SLC25A29: variants seen among roughly 807,000 people sequenced by gnomAD.
The protein encoded by SLC25A29 is mitochondrial basic amino acids transporter.
SLC25A29 carries 13 observed loss-of-function variants against 10.0 expected under a neutral mutation model. The ratio of observed to expected loss-of-function variants is 1.30; its 90% CI spans 0.85 to 2.07. The LOEUF (loss-of-function observed/expected upper bound fraction) is 2.07, where lower values mean the gene tolerates loss of function less well. Ranked by LOEUF, SLC25A29 falls within the 30% of genes most tolerant of loss-of-function variation. SLC25A29 has a pLI of 0.00. For synonymous variants in SLC25A29, 244 were observed against 221.1 expected (o/e 1.10, Z -0.92); for missense variants, 475 against 447.6 (o/e 1.06, Z -0.55).
chr14:100,286,792 C>T (rs777929640), downstream of SLC25A29, among the ~76,000 whole-genome samples: 1 of 152,228 alleles, frequency 6.6e-6, no homozygotes, highest in Non-Finnish European at 1.5e-5. Context: ...GGACCTGGAC[C>T]CTTGCCCTGG....
rs1213354503 is a variant in SLC25A29, at chr14:100,292,530, A to G, written c.665T>C (p.Leu222Pro). Residue 222 changes from leucine to proline, a missense_variant, in exon 4 of 4, where the codon CTG (leucine) becomes CCG (proline). Transcript: ENST00000359232. Reference protein sequence around the residue: ...VVKSRLQADGLRGAPRYRGIL... With the variant: ...VVKSRLQADGPRGAPRYRGIL... ...GCCGCGGTAGCGCGGGGCGCCCCGC[A>G]GTCCGTCCGCCTGCAGCCGCGACTT... is the stretch of plus-strand genomic sequence containing the variant. 16 of 1,593,042 alleles carry G rather than the reference A, an allele frequency of 1.0e-5. No individual in the cohort carries two copies. The highest frequency in any genetic ancestry group is 1.2e-5 in the Non-Finnish European group (14 of 1,171,434).
intron 2 of SLC25A29, chr14:100,293,941 G>A (rs907198334): frequency 7.2e-5 from 11 of 152,768 alleles, no homozygotes; most frequent in Admixed American, 1.3e-4. Context: ...CCAACGTGGC[G>A]AAATCGTGTC....
chr14:100,295,832 G>T (rs1391777194), intron 2 of SLC25A29: 7 of 1,289,566 alleles, frequency 5.4e-6, no homozygotes, highest in Non-Finnish European at 7.1e-6. Flanking sequence ...CCTCATCATA[G>T]GTCAAGACAA....
At position 100,292,627 on chromosome 14, in the gene SLC25A29, GC is replaced by G; in HGVS notation, c.567del (p.Lys191SerfsTer156). The stretch of plus-strand genomic sequence containing the variant: ...GTACCGCCCGCCAACAGCAGCTTGG[GC>G]ACCAGCAGGCGGTCGCCCGGCTCGC... ...LGCEPGDRLL[V>X]PKLLLAGGTS... On this transcript the variant is annotated frameshift_variant, in exon 4 of 4. Transcript: ENST00000359232. LOFTEE classifies it low-confidence loss of function (END_TRUNC). 1 of 1,602,558 alleles carries G rather than the reference GC, an allele frequency of 6.2e-7. No individual in the cohort carries two copies. Among genetic ancestry groups the G allele is most frequent in the Non-Finnish European group, 8.5e-7 (1 of 1,175,696 alleles).
rs537353513 is a variant in SLC25A29 at position 100,295,456 on chromosome 14, G to C, written c.79-2079C>G. 4.0e-4 allele frequency: 242 copies of C among 606,896 alleles called. 2 individuals carry two copies. In the East Asian group the frequency reaches 0.015, roughly 37 times the overall value. The allele number at this position is 606,896 out of a possible 1,614,324, so 37.6% of individuals were successfully genotyped here. Reference sequence around the variant, plus strand: ...CACATGAGGACCCCCAATCCAGAGGGGGCTGATTTTTTTTGGCCAGCCCGA... The same window carrying C: ...CACATGAGGACCCCCAATCCAGAGGCGGCTGATTTTTTTTGGCCAGCCCGA... On this transcript the variant is annotated intron_variant, in intron 2 of 3. Coordinates refer to ENST00000359232, the MANE Select transcript of SLC25A29 (RefSeq NM_001039355.3).
chr14:100,292,568 A>G lies in SLC25A29; in HGVS notation c.627T>C (p.Pro209=), dbSNP rs1165876085. 6.2e-7 allele frequency: 1 copy of G among 1,603,038 alleles called. No homozygotes were observed. ...GCAGCCGCGACTTGACCACGTCCAC[A>G]GGATAGGTAGAGAGCCAGGACACGA... ...SGIVSWLSTY[P]VDVVKSRLQA... The change falls in exon 4 of 4, where the codon CCT becomes CCC. Residue 209 remains proline, a synonymous_variant. Transcript: ENST00000359232.
At position 100,298,848 on chromosome 14, in the gene SLC25A29, C is replaced by T. The variant is rs545355656; in HGVS notation, c.72G>A (p.Thr24=). 1.5e-4 allele frequency: 246 copies of T among 1,614,200 alleles called. No individual in the cohort carries two copies. In the South Asian group the frequency reaches 2.3e-3, roughly 15 times the overall value. The change falls in exon 2 of 4, where the codon ACG becomes ACA. Residue 24 remains threonine, a synonymous_variant. Transcript: ENST00000359232. ...AAGCAGCGATGAGACTCACCTTGAC[C>T]GTGTCAAACGGGTGTCCCACAAGCA... is the stretch of plus-strand genomic sequence containing the variant. The part of the protein sequence containing the change: ...AGVLVGHPFD[T]VKVRLQVQSV...
intron 1 of SLC25A29, among the ~76,000 whole-genome samples, chr14:100,303,429 G>C (rs1892691160): frequency 6.6e-6 from 1 of 152,264 alleles, no homozygotes; most frequent in African/African-American, 2.4e-5. Context: ...GCGTGGGAGG[G>C]AGAGAGCAGA....
chr14:100,286,253 T>G (rs186031362), downstream of SLC25A29, among the ~76,000 whole-genome samples: 1 of 152,050 alleles, frequency 6.6e-6, no homozygotes, highest in African/African-American at 2.4e-5. Flanking sequence ...CTGGCCCTCA[T>G]GGAGCTAAGG....
intron 1 of SLC25A29, among the ~76,000 whole-genome samples, chr14:100,302,258 C>G (rs1482600275): frequency 6.6e-6 from 1 of 151,428 alleles, no homozygotes; most frequent in Non-Finnish European, 1.5e-5. Flanking sequence ...GTTGGCCAGG[C>G]TGGTCTTGAA....
intron 2 of SLC25A29, chr14:100,296,055 G>A: frequency 1.6e-6 from 2 of 1,263,262 alleles, no homozygotes; most frequent in African/African-American, 1.5e-5. Context: ...TGACAGTACG[G>A]ACTGACACAG....
chr14:100,292,392 G>A lies in SLC25A29; in HGVS notation c.803C>T (p.Thr268Ile). ...CGCGTAGGTGAGCACCACCGTGACG[G>A]TGGCGAAGGTGGCAGCGTTGACGGG... ...AFPVNAATFA[T>I]VTVVLTYARG... Residue 268 changes from threonine (T) to isoleucine (I), a missense_variant, in exon 4 of 4, where the codon ACC becomes ATC. Physicochemically the swap from Thr to Ile is moderately conservative, Grantham distance 89. Transcript: ENST00000359232. 1 of 1,566,850 alleles carries A rather than the reference G, an allele frequency of 6.4e-7. No individual in the cohort carries two copies. Among genetic ancestry groups the A allele is most frequent in the African/African-American group, 1.3e-5 (1 of 74,224 alleles).
chr14:100,292,822 C>G lies in SLC25A29; in HGVS notation c.373G>C (p.Ala125Pro), dbSNP rs1212144721. ...CCCTTGTAGGTGCGCGCTGGGCCCG[C>G]GTCCTGCAGCTGCAGCCGCGTCTTG... ...LAKTRLQLQD[A>P]GPARTYKGSL... is the part of the protein sequence containing the mutation. The change falls in exon 4 of 4, where the codon GCG becomes CCG. Residue 125 changes from alanine (A) to proline (P), a missense_variant. Transcript: ENST00000359232. 1 of 1,590,580 alleles carries G rather than the reference C, an allele frequency of 6.3e-7. No homozygotes were observed.
downstream of SLC25A29, among the ~76,000 whole-genome samples, chr14:100,289,637 GT>G (rs1891616757): frequency 6.6e-6 from 1 of 152,104 alleles, no homozygotes. Flanking sequence ...GAGGTCAGGA[GT>G]TTGAGACCAG....
At chr14:100,288,376 C>T (rs1434400740), downstream of SLC25A29, among the ~76,000 whole-genome samples, 4 of 73,672 alleles carry the variant, frequency 5.4e-5, no homozygotes, top group Non-Finnish European at 7.2e-5. Context: ...GAGTGAAACT[C>T]TATCTCAAAA....
At chr14:100,303,703 T>C (rs529719083) in intron 1 of SLC25A29, among the ~76,000 whole-genome samples, 5 of 151,832 alleles carry the variant, frequency 3.3e-5, no homozygotes, top group African/African-American at 1.2e-4. Context: ...AGCGGAACCC[T>C]GTCTCCCAAC....
intron 1 of SLC25A29, among the ~76,000 whole-genome samples, chr14:100,301,519 C>A (rs1318223316): frequency 6.6e-6 from 1 of 151,780 alleles, no homozygotes; most frequent in Non-Finnish European, 1.5e-5. Context: ...TTACTTCCTG[C>A]TTTTTATTTT....
chr14:100,281,019 CACTGCACTCCAGCCTGGGTG>C, the SLC25A29 span: 1 of 136,378 alleles, frequency 7.3e-6, no homozygotes, highest in African/African-American at 2.7e-5. Flanking sequence ...GAGATCGCAC[CACTGCACTCCAGCCTGGGTG>C]ACAGAGCAAG....
chr14:100,300,067 T>G (rs1299595495), intron 1 of SLC25A29: 4 of 590,448 alleles, frequency 6.8e-6, no homozygotes. Flanking sequence ...GATCAGGAGT[T>G]CAAAACCAGC....
Sources: allele counts gnomAD v4.1 joint callset (sites outside exome capture counted in the v4.1 genomes callset), GRCh38; gene constraint gnomAD v4.1.1; transcripts MANE v1.5; gene names NCBI Gene and HGNC (gene_info 2026-07-23, HGNC 2026-07-21).